POLR3E: variants seen among roughly 807,000 people sequenced by gnomAD.
POLR3E encodes RNA polymerase III subunit E.
Under a neutral mutation model 96.6 loss-of-function variants are expected in POLR3E, and 41 were observed. The ratio of observed to expected loss-of-function variants is 0.42; its 90% CI spans 0.33 to 0.55. POLR3E has a LOEUF of 0.55. Ranked by LOEUF, POLR3E falls within the 20% of genes least tolerant of loss-of-function variation. The pLI is 0.06. For synonymous variants in POLR3E, 396 were observed against 383.6 expected (o/e 1.03, Z -0.38); for missense variants, 849 against 952.1 (o/e 0.89, Z 1.43).
intron 13 of POLR3E, among the ~76,000 whole-genome samples, chr16:22,321,784 G>C (rs1006124342): frequency 6.6e-6 from 1 of 152,208 alleles, no homozygotes; most frequent in Admixed American, 6.5e-5. Flanking sequence ...AGGGACTTGG[G>C]GACTGTGGGC....
intron 19 of POLR3E, 140 bp downstream of exon 19, chr16:22,328,727 C>G: frequency 1.4e-6 from 1 of 706,036 alleles, no homozygotes; most frequent in Non-Finnish European, 2.6e-6. Context: ...ATATCCTGCT[C>G]CAACTCTGTA....
rs1271499011 is a variant in POLR3E at position 22,316,777 on chromosome 16, C to T, written c.728+91C>T. ...GGATCCTCCCAGAGGACTGTGGCCC[C>T]TCCTGTAGCATGAGGGTGGAGCCCA... is the stretch of plus-strand genomic sequence containing the variant. On this transcript the variant is annotated intron_variant, in intron 10 of 20. Coordinates refer to ENST00000299853, the MANE Select transcript of POLR3E (RefSeq NM_018119.4). The T allele has an allele frequency of 6.4e-6, 7 of 1,097,722 alleles. No homozygotes were observed. The East Asian group carries it at 1.2e-4, about 18-fold the overall frequency. 68.0% of individuals were successfully genotyped at this position (1,097,722 alleles called of 1,614,324 possible).
rs2048566168 is a variant in POLR3E, at chr16:22,325,656, A to T, written c.1349-105A>T. 7 of 1,325,304 alleles carry T rather than the reference A, an allele frequency of 5.3e-6. No individual in the cohort carries two copies. In the South Asian group the frequency reaches 6.3e-5, roughly 12 times the overall value. 82.1% of individuals were successfully genotyped at this position (1,325,304 alleles called of 1,614,324 possible). The stretch of plus-strand genomic sequence containing the variant: ...GGCTGATTTTCGAGAAAGGTTGGGG[A>T]TGAGACCAGGACGGGACCACTTGCT... On this transcript the variant is annotated intron_variant, in intron 17 of 20. Coordinates refer to ENST00000299853, the MANE Select transcript of POLR3E (RefSeq NM_018119.4).
At chr16:22,328,756 T>C in intron 19 of POLR3E, 169 bp downstream of exon 19, 1 of 620,382 alleles carries the variant, frequency 1.6e-6, no homozygotes, top group Non-Finnish European at 3.0e-6. Context: ...AAATAAGCTG[T>C]ATGTGCCAAT....
chr16:22,298,475 T>C (rs2047944975), intron 1 of POLR3E, among the ~76,000 whole-genome samples: 1 of 152,214 alleles, frequency 6.6e-6, no homozygotes, highest in African/African-American at 2.4e-5. Flanking sequence ...CGGTACTTAG[T>C]TTCCCTACTT....
chr16:22,324,805 C>A (rs2048544780), intron 16 of POLR3E, 145 bp downstream of exon 16: 5 of 861,084 alleles, frequency 5.8e-6, no homozygotes, highest in African/African-American at 1.7e-5. Context: ...GTGTGAAGGG[C>A]AGGTGGGGGT....
intron 3 of POLR3E, among the ~76,000 whole-genome samples, chr16:22,306,341 C>CTCTGCCTCCCAGGCTCAAGTGAT (rs1461426369): frequency 2.3e-4 from 35 of 152,334 alleles, no homozygotes; most frequent in Non-Finnish European, 4.6e-4. Context: ...TCACCACAAC[C>CTCTGCCTCCCAGGCTCAAGTGAT]TCTGCCTCCC....
At chr16:22,333,331 A>AAT (rs772699165) in intron 20 of POLR3E, among the ~76,000 whole-genome samples, 9 of 151,664 alleles carry the variant, frequency 5.9e-5, no homozygotes, top group Non-Finnish European at 1.2e-4. Context: ...ACATGCCTGT[A>AAT]ATCCCAGCTA....
intron 12 of POLR3E, among the ~76,000 whole-genome samples, chr16:22,317,863 T>G (rs1258660427): frequency 6.6e-6 from 1 of 152,012 alleles, no homozygotes; most frequent in Non-Finnish European, 1.5e-5. Context: ...TGGGTACTCT[T>G]GCCAGACCTG....
rs961461611 is a variant in POLR3E, at chr16:22,313,844, A to G, written c.472+117A>G. On this transcript the variant is annotated intron_variant, in intron 7 of 20. Transcript: ENST00000299853. The surrounding 1 kb of genome is among the most constrained non-coding windows in gnomAD (Gnocchi z 4.1). ...TTAGCAGGATCCCTGGCCTCTACCTACTAGATGCCAGAAGCACCCACCCCA... is the reference window on the plus strand; with the variant it reads ...TTAGCAGGATCCCTGGCCTCTACCTGCTAGATGCCAGAAGCACCCACCCCA... The G allele has an allele frequency of 1.4e-5, 10 of 740,392 alleles. No homozygotes were observed. The South Asian group carries it at 1.7e-4, about 12-fold the overall frequency. The allele number at this position is 740,392 out of a possible 1,614,324, so 45.9% of individuals were successfully genotyped here. A position where few individuals can be genotyped will look rare whatever the true frequency, so the allele number is the denominator to read the frequency against.
intron 14 of POLR3E, among the ~76,000 whole-genome samples, chr16:22,323,532 C>G (rs2048513856): frequency 6.6e-6 from 1 of 152,146 alleles, no homozygotes; most frequent in Non-Finnish European, 1.5e-5. Flanking sequence ...GTCCCACACC[C>G]CTTGGCACGC....
At chr16:22,325,422 G>A (rs1344906823) in intron 17 of POLR3E, 156 bp downstream of exon 17, 5 of 690,856 alleles carry the variant, frequency 7.2e-6, no homozygotes, top group Admixed American at 2.5e-5. Flanking sequence ...CCCACAGACC[G>A]CAGCTGGTCG....
At chr16:22,314,001 C>A in intron 7 of POLR3E, 78 bp from the exon 8 acceptor site, 1 of 1,305,452 alleles carries the variant, frequency 7.7e-7, no homozygotes, top group Non-Finnish European at 1.1e-6. Flanking sequence ...CGGCCTGAGG[C>A]TTCCCTGGCG....
intron 14 of POLR3E, among the ~76,000 whole-genome samples, chr16:22,324,115 G>A (rs1198252383): frequency 1.3e-5 from 2 of 152,072 alleles, no homozygotes; most frequent in South Asian, 2.1e-4. Flanking sequence ...GTCTAGGTGG[G>A]GTGGGATGGT....
At chr16:22,325,685 G>T in intron 17 of POLR3E, 76 bp from the exon 18 acceptor site, 1 of 1,466,010 alleles carries the variant, frequency 6.8e-7, no homozygotes. Context: ...ACTTGCTGCA[G>T]CCCCGCGGTC....
intron 3 of POLR3E, 93 bp downstream of exon 3, chr16:22,305,299 C>T: frequency 2.2e-6 from 2 of 904,870 alleles, no homozygotes; most frequent in Non-Finnish European, 3.7e-6. Flanking sequence ...TGGGAAACCT[C>T]AGCTAGGGTT....
In POLR3E at chr16:22,315,167, G is replaced by A. The variant is rs1317235714; in HGVS notation, c.601G>A (p.Ala201Thr). 8.1e-6 allele frequency: 13 copies of A among 1,607,674 alleles called. No individual in the cohort carries two copies. The highest frequency in any genetic ancestry group is 1.3e-5 in the African/African-American group (1 of 74,832). Residue 201 changes from alanine (A) to threonine (T), a missense_variant, in exon 9 of 21, where the codon GCA (alanine) becomes ACA (threonine). Physicochemically the swap from Ala to Thr is moderately conservative, Grantham distance 58 (BLOSUM62 0). Transcript: ENST00000299853. ...QSYEFLQKKH[A>T]EEPWVHLHYY... ...CTATGAGTTCCTGCAGAAGAAGCAC[G>A]CAGAGGAGCCCTGGGTCCACCTGCA...
chr16:22,322,537 G>A lies in POLR3E; in HGVS notation c.987-313G>A, dbSNP rs753687078. 2.6e-5 allele frequency among the ~76,000 whole-genome samples: 4 copies of A among 152,176 alleles called. No individual in the cohort carries two copies. Among genetic ancestry groups the A allele is most frequent in the South Asian group, 2.1e-4 (1 of 4,816 alleles). ...AGAGTCCTGGGCTCCTTGAGGTCCCGGGCTGTTCCTCACCTTGTCTGTCTC... is the reference window on the plus strand; with the variant it reads ...AGAGTCCTGGGCTCCTTGAGGTCCCAGGCTGTTCCTCACCTTGTCTGTCTC... On this transcript the variant is annotated intron_variant, in intron 13 of 20. Coordinates refer to ENST00000299853, the MANE Select transcript of POLR3E (RefSeq NM_018119.4). The surrounding 1 kb of genome is among the most constrained non-coding windows in gnomAD (Gnocchi z 5.2).
Position 22,326,260 on chromosome 16 carries a change from C to T in POLR3E, c.1848C>T (p.Cys616=). The change falls in exon 18 of 21, where the codon TGC becomes TGT. Residue 616 remains cysteine (C), a synonymous_variant. Transcript: ENST00000299853. ...MLQDTVLAAG[C]KQILVPFPPQ... ...AGGACACGGTGCTGGCCGCCGGTTG[C>T]AAGCAGATACTGGTGCCTGTAAGTA... 1 of 1,601,004 alleles carries T rather than the reference C, an allele frequency of 6.2e-7. No homozygotes were observed. Among genetic ancestry groups the T allele is most frequent in the South Asian group, 1.1e-5 (1 of 89,810 alleles).
Sources: gnomAD v4.1 joint callset for allele counts (sites outside exome capture counted in the v4.1 genomes callset) on GRCh38, gnomAD v4.1.1 for gene constraint, Gnocchi (gnomAD v3.1) non-coding constraint, MANE v1.5 for transcripts, NCBI Gene and HGNC (gene_info 2026-07-23, HGNC 2026-07-21) for gene names.